CEP85L: variants seen among roughly 807,000 people sequenced by gnomAD.
CEP85L encodes the protein centrosomal protein of 85 kDa-like.
Under a neutral mutation model 100.3 loss-of-function variants are expected in CEP85L, and 60 were observed. That is an observed-to-expected ratio of 0.60 (90% confidence interval 0.49 to 0.74). The LOEUF (loss-of-function observed/expected upper bound fraction) is 0.74, where lower values mean the gene tolerates loss of function less well. Among genes scored for constraint, CEP85L ranks in the 30% least tolerant of loss-of-function variants. CEP85L has a pLI of 0.00. For missense variants in CEP85L, 973 were observed against 936.2 expected (o/e 1.04, Z -0.51); for synonymous variants, 319 against 322.7 (o/e 0.99, Z 0.12).
chr6:118,566,136 CT>C lies in CEP85L; in HGVS notation c.412del (p.Arg138GlyfsTer8). The C allele has an allele frequency of 6.2e-7, 1 of 1,614,184 alleles. No homozygotes were observed. The highest frequency in any genetic ancestry group is 8.5e-7 in the Non-Finnish European group (1 of 1,180,022). On this transcript the variant is annotated frameshift_variant, in exon 3 of 13. Transcript: ENST00000368491. LOFTEE classifies it high-confidence loss of function. ...GTCTAGGGAAGAGTCCTGCTCCCCC[CT>C]ACTGTGGTTTCCCAATGTTTGCATG... ...SLMQTLGNHS[R>X]GEQDSSLDMK...
chr6:118,597,000 G>C (rs1003302120), intron 2 of CEP85L, among the ~76,000 whole-genome samples: 3 of 152,132 alleles, frequency 2.0e-5, no homozygotes, highest in African/African-American at 7.2e-5. Flanking sequence ...GCCCCATGCT[G>C]TTCTCATGAT....
At position 118,489,924 on chromosome 6, in the gene CEP85L, T is replaced by C. The variant is rs572712566; in HGVS notation, c.1437+1762A>G. Among the ~76,000 whole-genome samples, 4 of 152,094 alleles carry C rather than the reference T, an allele frequency of 2.6e-5. No homozygotes were observed. In the South Asian group the frequency reaches 8.3e-4, roughly 32 times the overall value. ...AGGTGAATGAGCAACATAAATGTTA[T>C]ATACACACACACACACATATATACA... On this transcript the variant is annotated intron_variant, in intron 6 of 12. Coordinates refer to ENST00000368491, the MANE Select transcript of CEP85L (RefSeq NM_001042475.3).
chr6:118,462,030 A>G lies in CEP85L; in HGVS notation c.*3375T>C, dbSNP rs1382541782. 3 of 152,172 alleles carry G rather than the reference A, an allele frequency of 2.0e-5. No individual in the cohort carries two copies. The highest frequency in any genetic ancestry group is 7.2e-5 in the African/African-American group (3 of 41,566). 9.4% of individuals were successfully genotyped at this position (152,172 alleles called of 1,614,324 possible). A position where few individuals can be genotyped will look rare whatever the true frequency, so the allele number is the denominator to read the frequency against. ...AGTAGCTCCTTTAAAAACATCCTCT[A>G]AGAAATTAATAATTCTTGCACTATG... is the stretch of plus-strand genomic sequence containing the variant. On this transcript the variant is annotated 3_prime_UTR_variant, in exon 13 of 13. Transcript: ENST00000368491.
intron 1 of CEP85L, among the ~76,000 whole-genome samples, chr6:118,662,970 T>A (rs1304317409): frequency 6.6e-6 from 1 of 152,206 alleles, no homozygotes; most frequent in Non-Finnish European, 1.5e-5. Flanking sequence ...TGGAAATTTG[T>A]TAAGACTTGA....
rs555301432 is a variant in CEP85L, at chr6:118,581,351, G to A, written c.233-15035C>T. On this transcript the variant is annotated intron_variant, in intron 2 of 12. Coordinates refer to ENST00000368491, the MANE Select transcript of CEP85L (RefSeq NM_001042475.3). ...GCTTTAGCATGGGCCATAATAGCAG[G>A]ATATAGAGTTCAATCTAGCATAACC... is the stretch of plus-strand genomic sequence containing the variant. Among the ~76,000 whole-genome samples, 5 of 152,210 alleles carry A rather than the reference G, an allele frequency of 3.3e-5. No homozygotes were observed. In the South Asian group the frequency reaches 1.0e-3, roughly 32 times the overall value.
Position 118,651,220 on chromosome 6 carries a change from C to T in CEP85L, c.50G>A (p.Gly17Asp), listed in dbSNP as rs932039897. The change falls in exon 1 of 13, where the codon GGC becomes GAC. Residue 17 changes from glycine (G) to aspartate (D), a missense_variant. By Grantham distance (94) the Gly-to-Asp change is moderately conservative. Transcript: ENST00000368491. The part of the protein sequence containing the change: ...APEASGRDSP[G>D]GARSFPAGPD... ...ACCGGCAGGGAAGCTGCGGGCTCCG[C>T]CGGGGCTATCCCGGCCGCTGGCCTC... 1 of 1,495,988 alleles carries T rather than the reference C, an allele frequency of 6.7e-7. No individual in the cohort carries two copies. Among genetic ancestry groups the T allele is most frequent in the Non-Finnish European group, 8.9e-7 (1 of 1,129,156 alleles). 92.7% of individuals were successfully genotyped at this position (1,495,988 alleles called of 1,614,324 possible).
At chr6:118,674,166 A>C in intron 1 of CEP85L, among the ~76,000 whole-genome samples, 1 of 152,248 alleles carries the variant, frequency 6.6e-6, no homozygotes, top group East Asian at 1.9e-4. Context: ...GATTGTACTT[A>C]AATAAATTGT....
intron 5 of CEP85L, among the ~76,000 whole-genome samples, chr6:118,507,888 C>T (rs17080282): frequency 5.3e-5 from 8 of 152,116 alleles, no homozygotes; most frequent in African/African-American, 1.2e-4. Flanking sequence ...AAACCCTGTG[C>T]GAATCAACAC....
At chr6:118,670,076 T>C (rs1021378193) in intron 1 of CEP85L, among the ~76,000 whole-genome samples, 3 of 151,908 alleles carry the variant, frequency 2.0e-5, no homozygotes, top group Admixed American at 6.6e-5. Context: ...TGCGATAGAA[T>C]TACAAAGCAT....
At chr6:118,588,807 A>T (rs1385512165) in intron 2 of CEP85L, among the ~76,000 whole-genome samples, 1 of 152,176 alleles carries the variant, frequency 6.6e-6, no homozygotes, top group Non-Finnish European at 1.5e-5. Flanking sequence ...CCACACATGG[A>T]CATGCCATTC....
At chr6:118,679,817 A>AT (rs905124782) in intron 1 of CEP85L, among the ~76,000 whole-genome samples, 19 of 151,450 alleles carry the variant, frequency 1.3e-4, no homozygotes, top group Admixed American at 5.3e-4. Flanking sequence ...TTGAAATCAC[A>AT]TTTTTTTTTA....
intron 1 of CEP85L, among the ~76,000 whole-genome samples, chr6:118,699,510 G>T (rs905391459): frequency 2.7e-5 from 4 of 150,664 alleles, no homozygotes; most frequent in African/African-American, 7.3e-5. Flanking sequence ...CAACACCAAA[G>T]CTACAGCCAC....
intron 2 of CEP85L, among the ~76,000 whole-genome samples, chr6:118,601,723 TC>T (rs1193799962): frequency 1.3e-5 from 2 of 152,082 alleles, no homozygotes; most frequent in African/African-American, 4.8e-5. Context: ...TATTCATGCC[TC>T]CCCCTTTTAG....
chr6:118,652,402 A>C (rs1235413553), upstream of CEP85L: 1 of 1,093,920 alleles, frequency 9.1e-7, no homozygotes, highest in Non-Finnish European at 1.1e-6. Flanking sequence ...TTTAAATCTT[A>C]CTTCTCACTG....
At chr6:118,578,423 GA>G (rs1457576200) in intron 2 of CEP85L, among the ~76,000 whole-genome samples, 2 of 152,200 alleles carry the variant, frequency 1.3e-5, no homozygotes, top group Non-Finnish European at 2.9e-5. Context: ...ACAGAAACAG[GA>G]ACTGTGTTAG....
chr6:118,470,871 T>G (rs1232340197), intron 10 of CEP85L, among the ~76,000 whole-genome samples: 1 of 152,148 alleles, frequency 6.6e-6, no homozygotes, highest in East Asian at 1.9e-4. Context: ...ACATTTGGAT[T>G]TTTTTAAATT....
intron 2 of CEP85L, among the ~76,000 whole-genome samples, 170 bp from the exon 3 acceptor site, chr6:118,566,486 C>A (rs533664066): frequency 6.6e-6 from 1 of 152,018 alleles, no homozygotes; most frequent in African/African-American, 2.4e-5. Flanking sequence ...GGCAAGATCT[C>A]GGCTCACCGC....
At position 118,566,006 on chromosome 6, in the gene CEP85L, A is replaced by T. The variant is rs760776874; in HGVS notation, c.543T>A (p.Asn181Lys). ...TAGCCTTCCCTATCTTCTCCAAACC[A>T]TTCCTTGACTCTTCTCTGCATACAG... ...GGTVCREESR[N>K]GLEKIGKAKA... The change falls in exon 3 of 13, where the codon AAT (asparagine) becomes AAA (lysine). Residue 181 changes from asparagine to lysine, a missense_variant. Around this residue, in one of 3 missense-constraint regions of CEP85L, gnomAD observed 890 missense variants for 844.5 expected, o/e 1.05. Coordinates refer to ENST00000368491, the MANE Select transcript of CEP85L (RefSeq NM_001042475.3). 2 of 1,614,114 alleles carry T rather than the reference A, an allele frequency of 1.2e-6. No individual in the cohort carries two copies. Among genetic ancestry groups the T allele is most frequent in the Admixed American group, 1.7e-5 (1 of 60,012 alleles).
intron 5 of CEP85L, among the ~76,000 whole-genome samples, chr6:118,500,097 T>C (rs1032244639): frequency 7.2e-5 from 11 of 152,090 alleles, no homozygotes; most frequent in African/African-American, 2.4e-4. Context: ...GCCCAGAAGT[T>C]GAAGACCAGC....
Sources: allele counts gnomAD v4.1 joint callset (sites outside exome capture counted in the v4.1 genomes callset), GRCh38; gene constraint gnomAD v4.1.1; regional missense constraint gnomAD v4.1.1; transcripts MANE v1.5; gene names NCBI Gene and HGNC (gene_info 2026-07-23, HGNC 2026-07-21).